NT5C3B: variants seen among roughly 807,000 people sequenced by gnomAD.
The protein encoded by NT5C3B is 7-methylguanosine phosphate-specific 5'-nucleotidase.
NT5C3B carries 28 observed loss-of-function variants against 32.5 expected under a neutral mutation model. The ratio of observed to expected loss-of-function variants is 0.86; its 90% CI spans 0.64 to 1.18. NT5C3B has a LOEUF of 1.18. Ranked by LOEUF, NT5C3B falls within the 50% of genes most tolerant of loss-of-function variation. The pLI is 0.00. For missense variants in NT5C3B, 317 were observed against 322.0 expected (o/e 0.98, Z 0.12); for synonymous variants, 138 against 118.0 (o/e 1.17, Z -1.10).
chr17:41,832,579 A>C (rs1354351788), intron 4 of NT5C3B, 102 bp from the exon 5 acceptor site: 17 of 891,090 alleles, frequency 1.9e-5, no homozygotes, highest in Non-Finnish European at 2.9e-5. Flanking sequence ...AGAAGAGGCA[A>C]CTTCATGGCC....
At chr17:41,829,028 T>G in intron 6 of NT5C3B, 76 bp from the exon 7 acceptor site, 4 of 1,403,140 alleles carry the variant, frequency 2.9e-6, no homozygotes, top group Middle Eastern at 2.0e-4. Flanking sequence ...GGTTGTTTTT[T>G]GGGTTTTTTG....
At chr17:41,830,487 G>A (rs1350774343) in intron 6 of NT5C3B, among the ~76,000 whole-genome samples, 4 of 152,058 alleles carry the variant, frequency 2.6e-5, no homozygotes, top group African/African-American at 7.2e-5. Context: ...CCAGCCTGGC[G>A]ACAGAGCGAG....
At chr17:41,836,081 G>T in intron 1 of NT5C3B, 101 bp downstream of exon 1, 1 of 1,359,042 alleles carries the variant, frequency 7.4e-7, no homozygotes, top group South Asian at 2.0e-5. Context: ...CTACTGGCCT[G>T]GGTGAAGCGG....
rs2047943863 is a variant in NT5C3B at position 41,825,414 on chromosome 17, C to G, written c.*109G>C. 1 of 714,450 alleles carries G rather than the reference C, an allele frequency of 1.4e-6. No homozygotes were observed. Among genetic ancestry groups the G allele is most frequent in the South Asian group, 1.8e-5 (1 of 56,530 alleles). 44.3% of individuals were successfully genotyped at this position (714,450 alleles called of 1,614,324 possible). On this transcript the variant is annotated 3_prime_UTR_variant, in exon 9 of 9. Transcript: ENST00000435506. ...GGAGGACGGAGGGGCGCGGAAGGAC[C>G]CAGCCACTGCTGGCCACCCTGGCCT... is the stretch of plus-strand genomic sequence containing the variant.
intron 2 of NT5C3B, 26 bp from the exon 3 acceptor site, chr17:41,835,298 C>CTATT: frequency 1.9e-6 from 3 of 1,598,978 alleles, no homozygotes; most frequent in Non-Finnish European, 2.6e-6. Context: ...GAGATGATGC[C>CTATT]TAAATAGGCA....
At chr17:41,832,340 A>T in intron 5 of NT5C3B, 52 bp downstream of exon 5, 1 of 1,506,432 alleles carries the variant, frequency 6.6e-7, no homozygotes, top group South Asian at 1.1e-5. Flanking sequence ...TGCCCCTCCC[A>T]GCCTACTCCA....
At chr17:41,831,655 A>G (rs1434840206) in intron 5 of NT5C3B, among the ~76,000 whole-genome samples, 3 of 152,162 alleles carry the variant, frequency 2.0e-5, no homozygotes, top group African/African-American at 7.2e-5. Flanking sequence ...CCCTTCCACA[A>G]TGAGATAATG....
rs1555618649 is a variant in NT5C3B at position 41,828,951 on chromosome 17, C to T, written c.406G>A (p.Glu136Lys). ...GTGTTGAAGAAGGTCTTATATCCCT[C>T]CCTGAAAAGAGATGGAGGAATTCTG... ...VVRESNAMLR[E>K]GYKTFFNTLY... is the part of the protein sequence containing the mutation. Residue 136 changes from glutamate to lysine, a missense_variant and splice_region_variant, in exon 7 of 9, where the codon GAG becomes AAG. By Grantham distance (56) the Glu-to-Lys change is moderately conservative. Transcript: ENST00000435506. The T allele has an allele frequency of 3.7e-6, 6 of 1,604,242 alleles. No individual in the cohort carries two copies. In the South Asian group the frequency reaches 5.5e-5, roughly 15 times the overall value.
Position 41,836,180 on chromosome 17 carries a change from ACCT to A in NT5C3B, c.11_12+1del, listed in dbSNP as rs2048155142. Reference sequence around the variant, plus strand: ...CACTCCGGACGCTTCCTCCCTCCTCACCTCCTCTGCCATCCCGTTCGAGGCCTG... The same window carrying A: ...CACTCCGGACGCTTCCTCCCTCCTCACCTCTGCCATCCCGTTCGAGGCCTG... On this transcript the variant is annotated splice_donor_variant and coding_sequence_variant, in exon 1 of 9. Transcript: ENST00000435506. LOFTEE classifies it high-confidence loss of function. The A allele has an allele frequency of 7.9e-7, 1 of 1,273,658 alleles. No homozygotes were observed. Among genetic ancestry groups the A allele is most frequent in the East Asian group, 3.1e-5 (1 of 31,864 alleles). The allele number at this position is 1,273,658 out of a possible 1,614,324, so 78.9% of individuals were successfully genotyped here.
intron 2 of NT5C3B, 97 bp from the exon 3 acceptor site, chr17:41,835,369 C>T: frequency 1.9e-6 from 2 of 1,035,014 alleles, no homozygotes; most frequent in Non-Finnish European, 3.0e-6. Context: ...CAATACAGCT[C>T]AGTGGCCAGG....
In NT5C3B at chr17:41,827,416, C is replaced by G. The variant is rs782436206; in HGVS notation, c.768+10G>C. On this transcript the variant is annotated intron_variant, in intron 8 of 8. Coordinates refer to ENST00000435506, the MANE Select transcript of NT5C3B (RefSeq NM_052935.5). ...GACATGAAGAGAAGCAGCCCTGGTC[C>G]TCTACCCACCTTGTCATTCAGGAAG... 8.0e-6 allele frequency: 7 copies of G among 872,048 alleles called. No homozygotes were observed. Among genetic ancestry groups the G allele is most frequent in the Admixed American group, 5.1e-5 (3 of 59,162 alleles). 54.0% of individuals were successfully genotyped at this position (872,048 alleles called of 1,614,324 possible).
chr17:41,830,502 T>C (rs1865842), intron 6 of NT5C3B, among the ~76,000 whole-genome samples: 116,020 of 152,018 alleles, frequency 0.76, 44,548 homozygotes, highest in Admixed American at 0.84. Flanking sequence ...AGCGAGATTC[T>C]GTCTTGAGAA....
At chr17:41,830,024 C>T (rs1377937329) in intron 6 of NT5C3B, among the ~76,000 whole-genome samples, 1 of 152,158 alleles carries the variant, frequency 6.6e-6, no homozygotes, top group Non-Finnish European at 1.5e-5. Flanking sequence ...GATGCACAAC[C>T]CTTGAGGGCA....
At position 41,832,408 on chromosome 17, in the gene NT5C3B, G is replaced by A; in HGVS notation, c.298C>T (p.Pro100Ser). 2 of 1,613,724 alleles carry A rather than the reference G, an allele frequency of 1.2e-6. No individual in the cohort carries two copies. The highest frequency in any genetic ancestry group is 1.3e-5 in the African/African-American group (1 of 75,036). The change falls in exon 5 of 9, where the codon CCT (proline) becomes TCT (serine). Residue 100 changes from proline (P) to serine (S), a missense_variant. By Grantham distance (74) the Pro-to-Ser change is moderately conservative (BLOSUM62 -1). Transcript: ENST00000435506. The part of the protein sequence containing the change: ...DPHRTVKEKL[P>S]HMVEWWTKAH... The stretch of plus-strand genomic sequence containing the variant: ...ATCACTCACCATTCCACCATATGAG[G>A]TAGCTTCTCCTTGACGGTCCGGTGT...
rs782428929 is a variant in NT5C3B, at chr17:41,832,483, A to G, written c.229-6T>C. On this transcript the variant is annotated splice_region_variant and splice_polypyrimidine_tract_variant and intron_variant, in intron 4 of 8. Transcript: ENST00000435506. ...TGGTGAAGGAGCGCTGTGAGCTGGG[A>G]TATCCAAATGGGGAGAAAGGCCATT... The G allele has an allele frequency of 1.2e-6, 2 of 1,612,256 alleles. No homozygotes were observed. Among genetic ancestry groups the G allele is most frequent in the Non-Finnish European group, 1.7e-6 (2 of 1,178,730 alleles).
intron 4 of NT5C3B, among the ~76,000 whole-genome samples, chr17:41,834,603 C>T (rs1333155340): frequency 6.6e-6 from 1 of 152,058 alleles, no homozygotes; most frequent in Non-Finnish European, 1.5e-5. Flanking sequence ...TTAAAATTAG[C>T]TAGGTGTAAT....
At position 41,834,393 on chromosome 17, in the gene NT5C3B, TAC is replaced by T. The variant is rs56965181; in HGVS notation, c.228+675_228+676del. Among the ~76,000 whole-genome samples, 208 of 139,746 alleles carry T rather than the reference TAC, an allele frequency of 1.5e-3. 4 individuals are homozygous for T. The highest frequency in any genetic ancestry group is 5.1e-3 in the African/African-American group (189 of 37,144). The allele number at this position is 139,746 out of a possible 152,430, so 91.7% of individuals were successfully genotyped here. On this transcript the variant is annotated intron_variant, in intron 4 of 8. Coordinates refer to ENST00000435506, the MANE Select transcript of NT5C3B (RefSeq NM_052935.5). ...CAAGACTCTGTCTCAAAAAAAAAAA[TAC>T]ACACACACACACACACACACACACA...
At chr17:41,827,949 A>G (rs2047993531) in intron 7 of NT5C3B, among the ~76,000 whole-genome samples, 1 of 152,228 alleles carries the variant, frequency 6.6e-6, no homozygotes, top group African/African-American at 2.4e-5. Flanking sequence ...TTACAGCATA[A>G]GTTTGTAACT....
intron 4 of NT5C3B, among the ~76,000 whole-genome samples, chr17:41,834,535 T>A (rs2048110332): frequency 6.6e-6 from 1 of 151,958 alleles, no homozygotes; most frequent in Non-Finnish European, 1.5e-5. Context: ...TTGCTTGAGC[T>A]CAGGAGTTCA....
Sources: allele counts gnomAD v4.1 joint callset (sites outside exome capture counted in the v4.1 genomes callset), GRCh38; gene constraint gnomAD v4.1.1; transcripts MANE v1.5; gene names NCBI Gene and HGNC (gene_info 2026-07-23, HGNC 2026-07-21).